NFIL3: variants seen among roughly 807,000 people sequenced by gnomAD.
NFIL3 encodes the protein nuclear factor, interleukin 3 regulated, also known as nuclear factor interleukin-3-regulated protein.
NFIL3 carries 5 observed loss-of-function variants against 10.0 expected under a neutral mutation model. The ratio of observed to expected loss-of-function variants is 0.50; its 90% CI spans 0.26 to 1.06. The LOEUF (loss-of-function observed/expected upper bound fraction) is 1.06, where lower values mean the gene tolerates loss of function less well. NFIL3 is among the 50% of genes least tolerant of loss of function. NFIL3 has a pLI of 0.13. For synonymous variants in NFIL3, 202 were observed against 206.5 expected, an observed-to-expected ratio of 0.98 and a Z score of 0.19; for missense variants, 436 against 547.6, an observed-to-expected ratio of 0.80 and a Z score of 2.03.
the NFIL3 span, among the ~76,000 whole-genome samples, chr9:91,436,155 C>T: frequency 2.6e-5 from 4 of 152,228 alleles, no homozygotes; most frequent in Non-Finnish European, 5.9e-5. Flanking sequence ...ATCTGCATGG[C>T]ACACTCCTCC....
At chr9:91,466,306 T>A in the NFIL3 span, among the ~76,000 whole-genome samples, 1 of 152,146 alleles carries the variant, frequency 6.6e-6, no homozygotes, top group African/African-American at 2.4e-5. Flanking sequence ...GAATGAAGGT[T>A]AGAGTCACTC....
At chr9:91,479,349 A>C in the NFIL3 span, among the ~76,000 whole-genome samples, 1 of 152,150 alleles carries the variant, frequency 6.6e-6, no homozygotes, top group Non-Finnish European at 1.5e-5. Context: ...CTGCCCAGAG[A>C]GGAGGAATCT....
chr9:91,473,657 G>C, the NFIL3 span, among the ~76,000 whole-genome samples: 1 of 152,212 alleles, frequency 6.6e-6, no homozygotes, highest in South Asian at 2.1e-4. Flanking sequence ...CTGACTCCTT[G>C]TGCTTCCTGG....
At chr9:91,461,062 T>C in the NFIL3 span, among the ~76,000 whole-genome samples, 1 of 152,114 alleles carries the variant, frequency 6.6e-6, no homozygotes, top group African/African-American at 2.4e-5. Flanking sequence ...ATGTTTGGAG[T>C]TTCTCATCTA....
Position 91,409,307 on chromosome 9 carries a change from G to T in NFIL3, c.*39C>A. 1 of 1,516,940 alleles carries T rather than the reference G, an allele frequency of 6.6e-7. No individual in the cohort carries two copies. Among genetic ancestry groups the T allele is most frequent in the South Asian group, 1.3e-5 (1 of 75,178 alleles). 94.0% of individuals were successfully genotyped at this position (1,516,940 alleles called of 1,614,324 possible). On this transcript the variant is annotated 3_prime_UTR_variant, in exon 2 of 2. Coordinates refer to ENST00000297689, the MANE Select transcript of NFIL3 (RefSeq NM_005384.3). ...CAAAATGGACTGCTCTATTGCAAAT[G>T]ACATCTTTCTAAATGCCCAGCTCTT...
chr9:91,451,805 C>A, the NFIL3 span, among the ~76,000 whole-genome samples: 1 of 152,172 alleles, frequency 6.6e-6, no homozygotes, highest in Non-Finnish European at 1.5e-5. Context: ...AGGATATCCA[C>A]GCACATGACC....
chr9:91,453,139 T>C, the NFIL3 span, among the ~76,000 whole-genome samples: 1 of 152,118 alleles, frequency 6.6e-6, no homozygotes, highest in Non-Finnish European at 1.5e-5. Context: ...TTCAGGCTTC[T>C]CTCTTTGGCT....
the NFIL3 span, among the ~76,000 whole-genome samples, chr9:91,443,916 C>A: frequency 1.3e-5 from 2 of 152,190 alleles, no homozygotes; most frequent in Non-Finnish European, 2.9e-5. Context: ...CAGAGAGGAC[C>A]TCTTTGGTTC....
the NFIL3 span, among the ~76,000 whole-genome samples, chr9:91,441,787 T>C: frequency 6.6e-6 from 1 of 152,224 alleles, no homozygotes; most frequent in African/African-American, 2.4e-5. Context: ...ACTTTTACCC[T>C]ACCCCACACA....
the NFIL3 span, among the ~76,000 whole-genome samples, chr9:91,442,383 G>T: frequency 2.6e-5 from 4 of 152,130 alleles, no homozygotes; most frequent in African/African-American, 9.7e-5. Context: ...CTATGTCCTT[G>T]GGGTGTCACT....
chr9:91,480,225 T>G, the NFIL3 span, among the ~76,000 whole-genome samples: 1 of 151,916 alleles, frequency 6.6e-6, no homozygotes, highest in Non-Finnish European at 1.5e-5. Context: ...TCACTGCCTC[T>G]TCATTCTTTT....
the NFIL3 span, among the ~76,000 whole-genome samples, chr9:91,467,489 T>C: frequency 5.9e-5 from 9 of 152,290 alleles, no homozygotes; most frequent in African/African-American, 2.2e-4. Flanking sequence ...CTTGCTATAA[T>C]CACTTATTAG....
the NFIL3 span, among the ~76,000 whole-genome samples, chr9:91,438,627 G>A: frequency 6.6e-6 from 1 of 152,124 alleles, no homozygotes; most frequent in African/African-American, 2.4e-5. Flanking sequence ...TCTTCTAGGA[G>A]TTCTATAGTT....
rs956584021 is a variant in NFIL3, at chr9:91,410,929, A to T, written c.-172-23T>A. 8.1e-5 allele frequency: 42 copies of T among 517,600 alleles called. No individual in the cohort carries two copies. The highest frequency in any genetic ancestry group is 2.7e-5 in the Non-Finnish European group (8 of 291,654). 32.1% of individuals were successfully genotyped at this position (517,600 alleles called of 1,614,324 possible). ...TATCTGCAATACATGAATAAAAAAAAAACCAGTTATTCACTGGATAAATGT... is the reference window on the plus strand; with the variant it reads ...TATCTGCAATACATGAATAAAAAAATAACCAGTTATTCACTGGATAAATGT... On this transcript the variant is annotated intron_variant, in intron 1 of 1. Coordinates refer to ENST00000297689, the MANE Select transcript of NFIL3 (RefSeq NM_005384.3). The surrounding 1 kb of genome is among the most constrained non-coding windows in gnomAD (Gnocchi z 5.7).
At chr9:91,463,686 T>G in the NFIL3 span, among the ~76,000 whole-genome samples, 68 of 152,272 alleles carry the variant, frequency 4.5e-4, no homozygotes, top group African/African-American at 1.6e-3. Context: ...AGTTGATTGG[T>G]AGTGACACTC....
chr9:91,410,594 G>C lies in NFIL3; in HGVS notation c.141C>G (p.Leu47=), dbSNP rs747399318. The change falls in exon 2 of 2, where the codon CTC becomes CTG. Residue 47 remains leucine, a synonymous_variant. Transcript: ENST00000297689. This position sits in a 1 kb window ranked among gnomAD's most constrained non-coding sequence, Gnocchi z 5.7. ...TGTTCTTCCCCACACTTCCTTCACT[G>C]AGAAGCAGCTCCTCACCTGTTGTGG... The part of the protein sequence containing the change: ...EDSTTGEELL[L]SEGSVGKNKS... 3.7e-6 allele frequency: 6 copies of C among 1,614,024 alleles called. No homozygotes were observed. Among genetic ancestry groups the C allele is most frequent in the Non-Finnish European group, 3.4e-6 (4 of 1,180,038 alleles).
chr9:91,424,448 G>C (rs1001300626), upstream of NFIL3, among the ~76,000 whole-genome samples: 6 of 152,152 alleles, frequency 3.9e-5, no homozygotes, highest in African/African-American at 1.4e-4. Context: ...GTGGCGGCTG[G>C]CAAGCTGCCA....
Position 91,409,159 on chromosome 9 carries a change from C to T in NFIL3, c.*187G>A. The T allele has an allele frequency of 1.7e-6, 1 of 576,794 alleles. No homozygotes were observed. Among genetic ancestry groups the T allele is most frequent in the South Asian group, 2.6e-5 (1 of 38,092 alleles). 35.7% of individuals were successfully genotyped at this position (576,794 alleles called of 1,614,324 possible). A position where few individuals can be genotyped will look rare whatever the true frequency, so the allele number is the denominator to read the frequency against. On this transcript the variant is annotated 3_prime_UTR_variant, in exon 2 of 2. Coordinates refer to ENST00000297689, the MANE Select transcript of NFIL3 (RefSeq NM_005384.3). ...TTCGCATGGACTATCTGACTATACA[C>T]AGGCAGAGTGATAACACAATCTAAT...
At chr9:91,431,500 A>T in the NFIL3 span, among the ~76,000 whole-genome samples, 15 of 152,248 alleles carry the variant, frequency 9.9e-5, 1 homozygote, top group African/African-American at 3.4e-4. Context: ...TTCCGTGGAG[A>T]GGGGAAAGGT....
Sources: gnomAD v4.1 joint callset for allele counts (sites outside exome capture counted in the v4.1 genomes callset) on GRCh38, gnomAD v4.1.1 for gene constraint, Gnocchi (gnomAD v3.1) non-coding constraint, MANE v1.5 for transcripts, NCBI Gene and HGNC (gene_info 2026-07-23, HGNC 2026-07-21) for gene names.